PLCB1: variants seen among roughly 807,000 people sequenced by gnomAD.
The protein encoded by PLCB1 is phospholipase C beta 1.
In PLCB1, 46 loss-of-function variants were observed where a neutral mutation model predicts 161.8. The observed-to-expected ratio is 0.28, with a 90% CI of 0.22 to 0.36. The LOEUF (loss-of-function observed/expected upper bound fraction) is 0.36. Ranked by LOEUF, PLCB1 falls within the 10% of genes least tolerant of loss-of-function variation. The probability of loss-of-function intolerance (pLI) is 1.00; values close to 1 mark genes in which losing one functional copy is unlikely to be tolerated. For synonymous variants in PLCB1, 517 were observed against 503.7 expected, an observed-to-expected ratio of 1.03 and a Z score of -0.35; for missense variants, 1,016 against 1,472.5, an observed-to-expected ratio of 0.69 and a Z score of 5.07.
intron 31 of PLCB1, among the ~76,000 whole-genome samples, chr20:8,864,913 T>A (rs564287118): frequency 6.6e-6 from 1 of 152,296 alleles, no homozygotes; most frequent in East Asian, 1.9e-4. Flanking sequence ...GCGCCAGAAT[T>A]ATATATGTCA....
chr20:8,242,633 G>T (rs1980679970), intron 2 of PLCB1, among the ~76,000 whole-genome samples: 1 of 151,926 alleles, frequency 6.6e-6, no homozygotes, highest in South Asian at 2.1e-4. Flanking sequence ...GAGGCCTAGG[G>T]ATACATTAGT....
intron 3 of PLCB1, among the ~76,000 whole-genome samples, chr20:8,483,243 G>A (rs1011559233): frequency 6.6e-6 from 1 of 152,168 alleles, no homozygotes; most frequent in African/African-American, 2.4e-5. Flanking sequence ...TAACAATGGT[G>A]CAATGTGCCC....
At chr20:8,527,807 A>T (rs140965553) in intron 3 of PLCB1, among the ~76,000 whole-genome samples, 2 of 152,172 alleles carry the variant, frequency 1.3e-5, no homozygotes, top group African/African-American at 4.8e-5. Flanking sequence ...CTTAGCAACA[A>T]TTTTTTTAAT....
In PLCB1 at chr20:8,627,748, CG is replaced by C. The variant is rs1460095541; in HGVS notation, c.247-545del. 4.6e-5 allele frequency among the ~76,000 whole-genome samples: 7 copies of C among 152,182 alleles called. No individual in the cohort carries two copies. The East Asian group carries it at 1.3e-3, about 29-fold the overall frequency. ...CCTATGTCCAAATCCCAGTACATTCCGAGGACAGAACTGAAATCAACATATG... is the reference window on the plus strand; with the variant it reads ...CCTATGTCCAAATCCCAGTACATTCCAGGACAGAACTGAAATCAACATATG... On this transcript the variant is annotated intron_variant, in intron 3 of 31. Coordinates refer to ENST00000338037, the MANE Select transcript of PLCB1 (RefSeq NM_015192.4).
chr20:8,852,246 A>G (rs913444538), intron 31 of PLCB1, among the ~76,000 whole-genome samples: 2 of 152,210 alleles, frequency 1.3e-5, no homozygotes, highest in Non-Finnish European at 2.9e-5. Context: ...TCCCAAAAGA[A>G]AGATCCATCA....
chr20:8,838,022 G>T (rs1986356570), intron 31 of PLCB1, among the ~76,000 whole-genome samples: 1 of 151,558 alleles, frequency 6.6e-6, no homozygotes, highest in African/African-American at 2.4e-5. Context: ...AGATAGGCTG[G>T]TGACTAAATT....
intron 2 of PLCB1, among the ~76,000 whole-genome samples, chr20:8,300,067 C>G (rs1189810328): frequency 6.6e-6 from 1 of 152,120 alleles, no homozygotes; most frequent in East Asian, 1.9e-4. Context: ...TGAGCTCACT[C>G]ACATGTCTGG....
At chr20:8,588,960 C>T (rs1198585604) in intron 3 of PLCB1, among the ~76,000 whole-genome samples, 1 of 152,170 alleles carries the variant, frequency 6.6e-6, no homozygotes, top group African/African-American at 2.4e-5. Context: ...CAAAAATCTA[C>T]AAACACATAT....
rs1555794551 is a variant in PLCB1 at position 8,275,286 on chromosome 20, T to TGA, written c.178-96095_178-96094dup. Among the ~76,000 whole-genome samples the TGA allele has an allele frequency of 6.1e-4, 93 of 151,724 alleles. 1 individual carries two copies. The highest frequency in any genetic ancestry group is 3.4e-3 in the Middle Eastern group (1 of 294). ...GTGTGTGTGTGTGTGTGTGTGTGTG[T>TGA]GAAGCGGCACATGGTCAGGCTTCAT... On this transcript the variant is annotated intron_variant, in intron 2 of 31. Coordinates refer to ENST00000338037, the MANE Select transcript of PLCB1 (RefSeq NM_015192.4).
chr20:8,227,076 G>T (rs1183184032), intron 2 of PLCB1, among the ~76,000 whole-genome samples: 1 of 152,074 alleles, frequency 6.6e-6, no homozygotes, highest in East Asian at 1.9e-4. Context: ...AAAATTTATT[G>T]AGATATTTTA....
chr20:8,442,564 T>C (rs1227596347), intron 3 of PLCB1, among the ~76,000 whole-genome samples: 3 of 152,210 alleles, frequency 2.0e-5, no homozygotes, highest in Non-Finnish European at 2.9e-5. Flanking sequence ...ACAAACATTA[T>C]GTTTTTGAGA....
rs1987616988 is a variant in PLCB1, at chr20:8,391,908, T to C, written c.246+20458T>C. On this transcript the variant is annotated intron_variant, in intron 3 of 31. Transcript: ENST00000338037. ...CTAATGTGGCATGTAATTTGATACA[T>C]GTTCCAGCAGGGGAAAATACTGGGA... is the stretch of plus-strand genomic sequence containing the variant. Among the ~76,000 whole-genome samples the C allele has an allele frequency of 1.3e-5, 2 of 150,366 alleles. 1 individual carries two copies. The highest frequency in any genetic ancestry group is 4.2e-4 in the South Asian group (2 of 4,758).
At chr20:8,483,421 G>A (rs1225979908) in intron 3 of PLCB1, among the ~76,000 whole-genome samples, 1 of 152,114 alleles carries the variant, frequency 6.6e-6, no homozygotes, top group Non-Finnish European at 1.5e-5. Context: ...AATATTTACA[G>A]TTAACATTAG....
chr20:8,396,951 G>C (rs182133452), intron 3 of PLCB1, among the ~76,000 whole-genome samples: 63 of 151,990 alleles, frequency 4.1e-4, no homozygotes, highest in African/African-American at 1.4e-3. Context: ...TGCTATTATA[G>C]GTAAATCTGA....
At chr20:8,374,141 G>A (rs1600352854) in intron 3 of PLCB1, among the ~76,000 whole-genome samples, 1 of 152,068 alleles carries the variant, frequency 6.6e-6, no homozygotes. Flanking sequence ...TCATCCCCAT[G>A]TGTCGAGGGA....
intron 2 of PLCB1, among the ~76,000 whole-genome samples, chr20:8,294,409 G>A (rs6086393): frequency 0.33 from 50,141 of 151,504 alleles, 8,681 homozygotes; most frequent in African/African-American, 0.43. Context: ...AGGATAAAGT[G>A]GGTCATTAGG....
intron 3 of PLCB1, among the ~76,000 whole-genome samples, chr20:8,496,544 C>G (rs1202515129): frequency 4.6e-5 from 7 of 152,150 alleles, no homozygotes. Flanking sequence ...TAGTGATTTT[C>G]TCAGTCCTCT....
intron 2 of PLCB1, among the ~76,000 whole-genome samples, chr20:8,224,361 A>G (rs948671728): frequency 7.3e-6 from 1 of 137,632 alleles, no homozygotes; most frequent in Middle Eastern, 3.6e-3. Flanking sequence ...AATTTTGAGA[A>G]TAGACAAGAC....
chr20:8,177,594 G>A (rs891504839), intron 2 of PLCB1, among the ~76,000 whole-genome samples: 9 of 151,846 alleles, frequency 5.9e-5, no homozygotes, highest in Non-Finnish European at 1.0e-4. Flanking sequence ...TGTTTATGAA[G>A]GGTGCTATGC....
Sources: allele counts gnomAD v4.1 joint callset (sites outside exome capture counted in the v4.1 genomes callset), GRCh38; gene constraint gnomAD v4.1.1; transcripts MANE v1.5; gene names NCBI Gene and HGNC (gene_info 2026-07-23, HGNC 2026-07-21).